VGLL4: variants seen among roughly 807,000 people sequenced by gnomAD.
VGLL4 encodes vestigial like family member 4, also known as transcription cofactor vestigial-like protein 4.
VGLL4 carries 7 observed loss-of-function variants against 21.0 expected under a neutral mutation model. The ratio of observed to expected loss-of-function variants is 0.33; its 90% confidence interval spans 0.19 to 0.63. VGLL4 has a LOEUF of 0.63. Among genes scored for constraint, VGLL4 ranks in the 20% least tolerant of loss-of-function variants. The pLI, the probability that VGLL4 is intolerant of heterozygous loss-of-function variation, is 0.78. For synonymous variants in VGLL4, 222 were observed against 173.2 expected, an observed-to-expected ratio of 1.28 and a Z score of -2.21; for missense variants, 394 against 425.7, an observed-to-expected ratio of 0.93 and a Z score of 0.66.
chr3:11,649,708 T>C (rs566864788), intron 2 of VGLL4, among the ~76,000 whole-genome samples: 39 of 152,058 alleles, frequency 2.6e-4, no homozygotes, highest in Admixed American at 1.1e-3. Context: ...AAGAGCAAAA[T>C]TGACAGAGAC....
chr3:11,590,136 A>G (rs1454798324), intron 2 of VGLL4, among the ~76,000 whole-genome samples: 1 of 152,202 alleles, frequency 6.6e-6, no homozygotes, highest in East Asian at 1.9e-4. Flanking sequence ...CCCTTAGAGC[A>G]TCTTGAGAGA....
rs142521225 is a variant in VGLL4 at position 11,613,199 on chromosome 3, A to G, written c.83-11177T>C. On this transcript the variant is annotated intron_variant, in intron 1 of 4. Transcript: ENST00000430365. Reference sequence around the variant, plus strand: ...TCAAAATGTAAGTGTTTTGGTAAAAATACTCAAAAAACTTCTGTCTGCAAG... The same window carrying G: ...TCAAAATGTAAGTGTTTTGGTAAAAGTACTCAAAAAACTTCTGTCTGCAAG... 6.8e-4 allele frequency among the ~76,000 whole-genome samples: 103 copies of G among 152,304 alleles called. 1 individual carries two copies. In the East Asian group the frequency reaches 0.018, roughly 27 times the overall value.
rs372848760 is a variant in VGLL4, at chr3:11,583,245, T to C, written c.273-18226A>G. Among the ~76,000 whole-genome samples, 21 of 152,310 alleles carry C rather than the reference T, an allele frequency of 1.4e-4. No individual in the cohort carries two copies. The East Asian group carries it at 1.5e-3, about 11-fold the overall frequency. ...AGAGTAAACTCTGATCAACCAGATA[T>C]AGTATTTTATAAACCAGAGGTTCTA... On this transcript the variant is annotated intron_variant, in intron 2 of 4. Transcript: ENST00000430365.
Position 11,575,364 on chromosome 3 carries a change from A to G in VGLL4, c.273-10345T>C, listed in dbSNP as rs78631918. 6.2e-4 allele frequency among the ~76,000 whole-genome samples: 95 copies of G among 152,346 alleles called. 1 individual carries two copies. The East Asian group carries it at 0.014, about 23-fold the overall frequency. On this transcript the variant is annotated intron_variant, in intron 2 of 4. Coordinates refer to ENST00000430365, the MANE Select transcript of VGLL4 (RefSeq NM_001128219.3). Reference sequence around the variant, plus strand: ...TCTCAAGAGTGACAGTCATTAAATCAGCATAGCCAGCATCTCCACATGCTC... The same window carrying G: ...TCTCAAGAGTGACAGTCATTAAATCGGCATAGCCAGCATCTCCACATGCTC...
At chr3:11,589,913 T>C (rs1296334110) in intron 2 of VGLL4, among the ~76,000 whole-genome samples, 1 of 152,162 alleles carries the variant, frequency 6.6e-6, no homozygotes, top group Non-Finnish European at 1.5e-5. Flanking sequence ...CTAAAGAGCA[T>C]CACATCGGGG....
At chr3:11,593,114 C>T (rs1310419806) in intron 2 of VGLL4, among the ~76,000 whole-genome samples, 2 of 152,232 alleles carry the variant, frequency 1.3e-5, no homozygotes, top group African/African-American at 4.8e-5. Flanking sequence ...TCAGCTTTTC[C>T]ATTTCCTCTG....
In VGLL4 at chr3:11,702,455, CA is replaced by C. The variant is rs56189603; in HGVS notation, c.64+515del. ...TAAAACCCCGCCTCTACTAAAAATACAAAAAAAAAAAAAAAAAAAAAAAATT... is the reference window on the plus strand; with the variant it reads ...TAAAACCCCGCCTCTACTAAAAATACAAAAAAAAAAAAAAAAAAAAAAATT... On this transcript the variant is annotated intron_variant, in intron 2 of 5. Transcript: ENST00000273038. Among the ~76,000 whole-genome samples the C allele has an allele frequency of 9.6e-3, 927 of 96,086 alleles. 14 individuals carry two copies. Among genetic ancestry groups the C allele is most frequent in the African/African-American group, 0.026 (606 of 22,870 alleles). 63.0% of individuals were successfully genotyped at this position (96,086 alleles called of 152,430 possible).
At chr3:11,597,962 A>C (rs530076478) in intron 2 of VGLL4, among the ~76,000 whole-genome samples, 28 of 152,334 alleles carry the variant, frequency 1.8e-4, no homozygotes, top group Admixed American at 1.7e-3. Context: ...GAAATCACTA[A>C]GGAAACCTCT....
Position 11,612,402 on chromosome 3 carries a change from G to T in VGLL4, c.83-10380C>A, listed in dbSNP as rs546759471. On this transcript the variant is annotated intron_variant, in intron 1 of 4. Transcript: ENST00000430365. Reference sequence around the variant, plus strand: ...ATGTCTTACTATACATATCATTTTGGCTTGAAGAAAACTCAGGTATGTAAC... The same window carrying T: ...ATGTCTTACTATACATATCATTTTGTCTTGAAGAAAACTCAGGTATGTAAC... Among the ~76,000 whole-genome samples the T allele has an allele frequency of 1.2e-4, 19 of 152,202 alleles. No individual in the cohort carries two copies. The East Asian group carries it at 3.7e-3, about 29-fold the overall frequency.
intron 2 of VGLL4, among the ~76,000 whole-genome samples, chr3:11,687,455 G>A (rs1310862107): frequency 6.6e-6 from 1 of 151,980 alleles, no homozygotes; most frequent in Admixed American, 6.6e-5. Flanking sequence ...GGTTGATATG[G>A]GAATGAGTTT....
At chr3:11,612,624 C>T (rs1252389528) in intron 1 of VGLL4, 1 of 152,240 alleles carries the variant, frequency 6.6e-6, no homozygotes, top group Non-Finnish European at 1.5e-5. Context: ...TAGACTCTGG[C>T]TCTCAGGTAG....
intron 2 of VGLL4, among the ~76,000 whole-genome samples, chr3:11,700,807 T>A (rs2076671203): frequency 6.6e-6 from 1 of 152,180 alleles, no homozygotes; most frequent in African/African-American, 2.4e-5. Context: ...TTTGTTGTTG[T>A]TTAGGTAAAA....
intron 1 of VGLL4, among the ~76,000 whole-genome samples, chr3:11,714,127 G>A (rs75134054): frequency 9.2e-5 from 14 of 152,234 alleles, no homozygotes; most frequent in African/African-American, 2.2e-4. Context: ...TCATGTACCC[G>A]GTGAGGTACA....
In VGLL4 at chr3:11,565,889, G is replaced by A. The variant is rs1379791969; in HGVS notation, c.273-870C>T. ...CCACCCTCCCTGCTTTATTCCAGGG[G>A]TCCCACAGTTCCATCTGCCTTGGGT... On this transcript the variant is annotated intron_variant, in intron 2 of 4. Coordinates refer to ENST00000430365, the MANE Select transcript of VGLL4 (RefSeq NM_001128219.3). This position sits in a 1 kb window ranked among gnomAD's most constrained non-coding sequence, Gnocchi z 4.1. Among the ~76,000 whole-genome samples the A allele has an allele frequency of 6.6e-6, 1 of 152,188 alleles. No individual in the cohort carries two copies. The highest frequency in any genetic ancestry group is 1.5e-5 in the Non-Finnish European group (1 of 68,036).
chr3:11,578,161 T>C (rs1367449372), intron 2 of VGLL4, among the ~76,000 whole-genome samples: 1 of 152,210 alleles, frequency 6.6e-6, no homozygotes, highest in African/African-American at 2.4e-5. Context: ...AGTACTATCC[T>C]TTCATCAAAA....
intron 1 of VGLL4, among the ~76,000 whole-genome samples, chr3:11,708,310 G>T (rs2125410323): frequency 6.6e-6 from 1 of 152,324 alleles, no homozygotes; most frequent in South Asian, 2.1e-4. Flanking sequence ...GCGTGGTCTG[G>T]GAAGATTTCG....
chr3:11,705,920 CAA>C (rs11335186), intron 1 of VGLL4, among the ~76,000 whole-genome samples: 63,268 of 131,164 alleles, frequency 0.48, 13,938 homozygotes, highest in Non-Finnish European at 0.56. Context: ...GACTCCGTCT[CAA>C]AAAAAAAAAA....
chr3:11,660,161 CA>C (rs527661591), intron 2 of VGLL4, among the ~76,000 whole-genome samples: 8,817 of 116,438 alleles, frequency 0.076, 707 homozygotes, highest in African/African-American at 0.23. Context: ...GACTCCATCT[CA>C]AAAAAAAAAA....
intron 1 of VGLL4, among the ~76,000 whole-genome samples, chr3:11,620,599 T>G (rs1279223666): frequency 6.6e-6 from 1 of 152,242 alleles, no homozygotes; most frequent in Non-Finnish European, 1.5e-5. Context: ...ATTCCAGAGC[T>G]ACCTTTTCTA....
Sources: allele counts gnomAD v4.1 joint callset (sites outside exome capture counted in the v4.1 genomes callset), GRCh38; gene constraint gnomAD v4.1.1; non-coding constraint Gnocchi (gnomAD v3.1); transcripts MANE v1.5; gene names NCBI Gene and HGNC (gene_info 2026-07-23, HGNC 2026-07-21).